SLC30A8: variants seen among roughly 807,000 people sequenced by gnomAD.
SLC30A8 encodes proton-coupled zinc antiporter SLC30A8.
In SLC30A8, 27 loss-of-function variants were observed where a neutral mutation model predicts 36.9. The ratio of observed to expected loss-of-function variants is 0.73; its 90% CI spans 0.54 to 1.01. The LOEUF is 1.01. Ranked by LOEUF, SLC30A8 falls within the 50% of genes least tolerant of loss-of-function variation. The probability of loss-of-function intolerance (pLI) is 0.00; values close to 1 mark genes in which losing one functional copy is unlikely to be tolerated. For synonymous variants in SLC30A8, 164 were observed against 172.4 expected (o/e 0.95, Z 0.38); for missense variants, 439 against 452.0 (o/e 0.97, Z 0.26).
chr8:117,050,408 C>CTT (rs35839871), intron 2 of SLC30A8, among the ~76,000 whole-genome samples: 2 of 143,956 alleles, frequency 1.4e-5, no homozygotes, highest in African/African-American at 2.5e-5. Context: ...TGATTTCTTT[C>CTT]TTTTTTTTTT....
At chr8:117,078,269 A>C (rs1181534041) in intron 2 of SLC30A8, among the ~76,000 whole-genome samples, 5 of 152,180 alleles carry the variant, frequency 3.3e-5, no homozygotes, top group Non-Finnish European at 7.3e-5. Context: ...GGATAGTTAG[A>C]TTCCATGAAA....
intron 3 of SLC30A8, among the ~76,000 whole-genome samples, chr8:117,155,658 A>G (rs1262749038): frequency 1.3e-5 from 2 of 152,188 alleles, no homozygotes; most frequent in African/African-American, 4.8e-5. Flanking sequence ...GGGTAATAAT[A>G]TATTACATTA....
chr8:116,992,442 C>T (rs1239072553), intron 1 of SLC30A8, among the ~76,000 whole-genome samples: 1 of 151,982 alleles, frequency 6.6e-6, no homozygotes, highest in Non-Finnish European at 1.5e-5. Context: ...CACGATGAGC[C>T]CTAAATTGTC....
At chr8:117,015,022 T>TAG (rs1288902015) in intron 1 of SLC30A8, among the ~76,000 whole-genome samples, 2 of 150,300 alleles carry the variant, frequency 1.3e-5, no homozygotes, top group South Asian at 2.1e-4. Context: ...CAAATATATA[T>TAG]ATATATAGAT....
At chr8:117,088,690 G>A (rs7813121) in intron 2 of SLC30A8, among the ~76,000 whole-genome samples, 5,007 of 152,286 alleles carry the variant, frequency 0.033, 193 homozygotes, top group African/African-American at 0.097. Flanking sequence ...AGTAAACCCC[G>A]TAAAGCTTTC....
chr8:116,969,324 A>C lies in SLC30A8; in HGVS notation c.-266+18205A>C, dbSNP rs998279238. On this transcript the variant is annotated intron_variant, in intron 1 of 10. Coordinates refer to the SLC30A8 transcript ENST00000427715. ...TCCCAGCTATTCGGGAGGCTGAGGCAGGAGAATCACTTGAACCCGGGAGGT... is the reference window on the plus strand; with the variant it reads ...TCCCAGCTATTCGGGAGGCTGAGGCCGGAGAATCACTTGAACCCGGGAGGT... Among the ~76,000 whole-genome samples the C allele has an allele frequency of 9.8e-5, 15 of 152,298 alleles. No homozygotes were observed. In the East Asian group the frequency reaches 2.7e-3, roughly 28 times the overall value.
intron 1 of SLC30A8, among the ~76,000 whole-genome samples, chr8:116,976,825 T>TCTTTTCTTTTC (rs199570679): frequency 1.4e-5 from 2 of 144,910 alleles, no homozygotes; most frequent in Admixed American, 6.7e-5. Flanking sequence ...TTTCTTTCTT[T>TCTTTTCTTTTC]TTTTTTTTTT....
At chr8:117,000,879 G>C in intron 1 of SLC30A8, among the ~76,000 whole-genome samples, 1 of 152,152 alleles carries the variant, frequency 6.6e-6, no homozygotes, top group East Asian at 1.9e-4. Context: ...GGCACATTGT[G>C]AGGATTATAT....
intron 1 of SLC30A8, among the ~76,000 whole-genome samples, chr8:117,143,136 G>GA: frequency 6.6e-6 from 1 of 152,054 alleles, no homozygotes; most frequent in East Asian, 1.9e-4. Flanking sequence ...TTTGGAGATA[G>GA]AAGCAAAGTT....
At chr8:117,000,359 C>CT (rs1815971284) in intron 1 of SLC30A8, among the ~76,000 whole-genome samples, 1 of 152,146 alleles carries the variant, frequency 6.6e-6, no homozygotes, top group East Asian at 1.9e-4. Flanking sequence ...ACTGTGGGCC[C>CT]TGACGCTTCC....
At chr8:117,039,276 C>G (rs910024563) in intron 2 of SLC30A8, 3 of 152,142 alleles carry the variant, frequency 2.0e-5, no homozygotes, top group Non-Finnish European at 4.4e-5. Flanking sequence ...TATATTTACT[C>G]TGTGTGTGTG....
chr8:117,008,889 G>A (rs991923493), intron 1 of SLC30A8, among the ~76,000 whole-genome samples: 1 of 152,124 alleles, frequency 6.6e-6, no homozygotes, highest in Non-Finnish European at 1.5e-5. Context: ...GTAGATGACT[G>A]TTATGTTAGG....
chr8:116,969,034 C>A (rs1424949745), intron 1 of SLC30A8, among the ~76,000 whole-genome samples: 1 of 152,122 alleles, frequency 6.6e-6, no homozygotes, highest in Non-Finnish European at 1.5e-5. Flanking sequence ...GTGCCCAGCC[C>A]ACAATGACTA....
At chr8:117,070,605 C>T (rs1435593707) in intron 2 of SLC30A8, among the ~76,000 whole-genome samples, 1 of 152,214 alleles carries the variant, frequency 6.6e-6, no homozygotes, top group Non-Finnish European at 1.5e-5. Context: ...AATTTATCCT[C>T]TTAGCTATTT....
At chr8:117,030,156 G>A (rs750700655) in intron 1 of SLC30A8, among the ~76,000 whole-genome samples, 3 of 151,718 alleles carry the variant, frequency 2.0e-5, no homozygotes, top group Non-Finnish European at 2.9e-5. Flanking sequence ...CAGGGGACAT[G>A]TAGCTATATA....
At chr8:117,049,437 T>C (rs564091175) in intron 2 of SLC30A8, among the ~76,000 whole-genome samples, 104 of 152,332 alleles carry the variant, frequency 6.8e-4, no homozygotes, top group African/African-American at 2.4e-3. Context: ...GATGATGACA[T>C]TATCTGAATA....
rs533442601 is a variant in SLC30A8 at position 117,044,835 on chromosome 8, C to G, written c.-226+5577C>G. 5.4e-4 allele frequency among the ~76,000 whole-genome samples: 82 copies of G among 152,356 alleles called. 1 individual carries two copies. The highest frequency in any genetic ancestry group is 1.8e-3 in the African/African-American group (75 of 41,584). On this transcript the variant is annotated intron_variant, in intron 2 of 10. Transcript: ENST00000427715. Reference sequence around the variant, plus strand: ...ATCCTCCTGGGCGGTGGGGGAAATACTGCTGCAGGACCGCGGAGCCCTGGC... The same window carrying G: ...ATCCTCCTGGGCGGTGGGGGAAATAGTGCTGCAGGACCGCGGAGCCCTGGC...
At chr8:117,057,667 G>T (rs948637099) in intron 2 of SLC30A8, among the ~76,000 whole-genome samples, 1 of 151,942 alleles carries the variant, frequency 6.6e-6, no homozygotes. Context: ...TGTCCTCCAG[G>T]TTTATCCATG....
At chr8:116,996,074 A>G (rs1266593370) in intron 1 of SLC30A8, among the ~76,000 whole-genome samples, 1 of 152,184 alleles carries the variant, frequency 6.6e-6, no homozygotes, top group African/African-American at 2.4e-5. Flanking sequence ...TCTCTAATAA[A>G]TCTGCCTTTC....
Sources: allele counts gnomAD v4.1 joint callset (sites outside exome capture counted in the v4.1 genomes callset), GRCh38; gene constraint gnomAD v4.1.1; transcripts MANE v1.5; gene names NCBI Gene and HGNC (gene_info 2026-07-23, HGNC 2026-07-21).